The following TASP1 variants were observed in gnomAD, a reference collection of about 807,000 sequenced individuals.
The protein encoded by TASP1 is taspase 1.
Under a neutral mutation model 56.6 loss-of-function variants are expected in TASP1, and 16 were observed. The observed-to-expected ratio is 0.28, with a 90% CI of 0.19 to 0.43. The LOEUF (loss-of-function observed/expected upper bound fraction) is 0.43. Ranked by LOEUF, TASP1 falls within the 20% of genes least tolerant of loss-of-function variation. TASP1 has a pLI of 1.00. For synonymous variants in TASP1, 179 were observed against 184.2 expected (o/e 0.97, Z 0.23); for missense variants, 393 against 511.6 (o/e 0.77, Z 2.24).
the TASP1 span, among the ~76,000 whole-genome samples, chr20:13,245,036 T>C: frequency 6.6e-6 from 1 of 152,244 alleles, no homozygotes; most frequent in Non-Finnish European, 1.5e-5. Context: ...TGCACAACTT[T>C]GGACCATGAG....
At chr20:13,288,122 G>A in the TASP1 span, among the ~76,000 whole-genome samples, 1 of 152,166 alleles carries the variant, frequency 6.6e-6, no homozygotes, top group Non-Finnish European at 1.5e-5. Flanking sequence ...CAGGCCTTAA[G>A]GTCAAGGCCA....
chr20:13,183,755 C>G, the TASP1 span, among the ~76,000 whole-genome samples: 1 of 152,048 alleles, frequency 6.6e-6, no homozygotes, highest in Admixed American at 6.5e-5. Flanking sequence ...GTGGACCGGG[C>G]GTGGTGGCTC....
chr20:13,313,911 T>G, the TASP1 span, among the ~76,000 whole-genome samples: 2 of 152,132 alleles, frequency 1.3e-5, no homozygotes, highest in Non-Finnish European at 2.9e-5. Flanking sequence ...AAACTGGCAA[T>G]GTAAGCAGAG....
At chr20:13,432,513 C>G (rs1354158429) in intron 12 of TASP1, among the ~76,000 whole-genome samples, 1 of 152,182 alleles carries the variant, frequency 6.6e-6, no homozygotes, top group African/African-American at 2.4e-5. Context: ...AAATACTTCA[C>G]ATTCATAACT....
chr20:13,499,588 T>C (rs749811611), intron 10 of TASP1, among the ~76,000 whole-genome samples: 1 of 152,270 alleles, frequency 6.6e-6, no homozygotes, highest in Non-Finnish European at 1.5e-5. Context: ...AGCCACCTTA[T>C]GACCATAAAG....
At chr20:13,636,979 C>T (rs1373365962) in intron 1 of TASP1, among the ~76,000 whole-genome samples, 3 of 151,952 alleles carry the variant, frequency 2.0e-5, no homozygotes, top group Non-Finnish European at 2.9e-5. Flanking sequence ...TGGGAGAAAA[C>T]GCAAGAAAAT....
the TASP1 span, among the ~76,000 whole-genome samples, chr20:13,254,977 T>C: frequency 3.3e-5 from 5 of 152,238 alleles, no homozygotes; most frequent in Admixed American, 3.3e-4. Flanking sequence ...GGCCAAGTGC[T>C]GAGGCACAGA....
chr20:13,337,202 T>C, the TASP1 span, among the ~76,000 whole-genome samples: 1 of 152,186 alleles, frequency 6.6e-6, no homozygotes, highest in Non-Finnish European at 1.5e-5. Context: ...AAGAGGAATA[T>C]TCTGGCTCAC....
chr20:13,472,704 C>T lies in TASP1; in HGVS notation c.985+10523G>A, dbSNP rs564453492. Among the ~76,000 whole-genome samples, 12 of 151,230 alleles carry T rather than the reference C, an allele frequency of 7.9e-5. 1 individual carries two copies. The highest frequency in any genetic ancestry group is 2.2e-4 in the African/African-American group (9 of 41,000). ...TGAACAGACAGTTTTCAAAAGAAGA[C>T]GTTTATGCAGCCAGCAGACACATGA... is the stretch of plus-strand genomic sequence containing the variant. On this transcript the variant is annotated intron_variant, in intron 11 of 13. Coordinates refer to ENST00000337743, the MANE Select transcript of TASP1 (RefSeq NM_017714.3).
chr20:13,582,974 C>T (rs1184278189), intron 5 of TASP1, among the ~76,000 whole-genome samples: 3 of 152,188 alleles, frequency 2.0e-5, no homozygotes, highest in African/African-American at 7.2e-5. Context: ...CAATGTGGTA[C>T]TCTCCTGTAC....
intron 13 of TASP1, 92 bp from the exon 14 acceptor site, chr20:13,390,544 C>T: frequency 1.8e-6 from 2 of 1,098,574 alleles, no homozygotes; most frequent in Non-Finnish European, 2.7e-6. Context: ...GGAGGAAACA[C>T]CAGAGCATTA....
intron 13 of TASP1, among the ~76,000 whole-genome samples, chr20:13,395,452 A>T (rs2041489832): frequency 6.6e-6 from 1 of 152,198 alleles, no homozygotes; most frequent in African/African-American, 2.4e-5. Context: ...CATAGAAAAC[A>T]TCTAATTTTT....
At chr20:13,488,576 A>C (rs2043410843) in intron 10 of TASP1, among the ~76,000 whole-genome samples, 1 of 152,142 alleles carries the variant, frequency 6.6e-6, no homozygotes, top group African/African-American at 2.4e-5. Flanking sequence ...TACTCTGCCC[A>C]ACACTACTCC....
At chr20:13,129,275 T>C in the TASP1 span, among the ~76,000 whole-genome samples, 1 of 152,164 alleles carries the variant, frequency 6.6e-6, no homozygotes, top group Non-Finnish European at 1.5e-5. Context: ...GTGCTGGGAT[T>C]ACAGGCGTGA....
chr20:13,479,797 A>G (rs916462177), intron 11 of TASP1, among the ~76,000 whole-genome samples: 2 of 152,192 alleles, frequency 1.3e-5, no homozygotes, highest in African/African-American at 4.8e-5. Context: ...GCCTACAACT[A>G]TTCTTCATAC....
chr20:13,306,564 C>CAAAAAAA, the TASP1 span, among the ~76,000 whole-genome samples: 296 of 63,892 alleles, frequency 4.6e-3, 5 homozygotes, highest in African/African-American at 0.013. Flanking sequence ...GGAGAAAGGA[C>CAAAAAAA]AAAAAAAAAA....
the TASP1 span, among the ~76,000 whole-genome samples, chr20:13,360,002 C>T: frequency 9.8e-3 from 1,494 of 152,220 alleles, 24 homozygotes; most frequent in African/African-American, 0.034. Flanking sequence ...TACAGCACGG[C>T]CTTTTAAAGC....
chr20:13,489,140 G>A (rs963400056), intron 10 of TASP1, among the ~76,000 whole-genome samples: 2 of 152,086 alleles, frequency 1.3e-5, no homozygotes, highest in Admixed American at 6.6e-5. Context: ...TAGGTGAAAG[G>A]AACAAACCTA....
chr20:13,544,853 G>A (rs1481093685), intron 8 of TASP1, among the ~76,000 whole-genome samples: 2 of 152,122 alleles, frequency 1.3e-5, no homozygotes, highest in Non-Finnish European at 2.9e-5. Context: ...ATAGCAGTGG[G>A]GAGTAACAGA....
Sources: allele counts gnomAD v4.1 joint callset (sites outside exome capture counted in the v4.1 genomes callset), GRCh38; gene constraint gnomAD v4.1.1; transcripts MANE v1.5; gene names NCBI Gene and HGNC (gene_info 2026-07-23, HGNC 2026-07-21).